Variants in RAB11FIP3 observed in about 807,000 individuals in gnomAD.
RAB11FIP3 encodes the protein rab11 family-interacting protein 3.
A neutral mutation model predicts 77.8 loss-of-function variants in RAB11FIP3; 17 were observed. That is an observed-to-expected ratio of 0.22 (90% CI 0.15 to 0.33). The LOEUF is 0.33. Ranked by LOEUF, RAB11FIP3 falls within the 10% of genes least tolerant of loss-of-function variation. The probability of loss-of-function intolerance (pLI) is 1.00; values close to 1 mark genes in which losing one functional copy is unlikely to be tolerated. For synonymous variants in RAB11FIP3, 437 were observed against 448.2 expected, an observed-to-expected ratio of 0.98 and a Z score of 0.31; for missense variants, 1,005 against 1,011.2, an observed-to-expected ratio of 0.99 and a Z score of 0.08.
At chr16:433,367 A>T (rs2055072232) in intron 1 of RAB11FIP3, among the ~76,000 whole-genome samples, 1 of 149,126 alleles carries the variant, frequency 6.7e-6, no homozygotes, top group Non-Finnish European at 1.5e-5. Flanking sequence ...TACCCTCCTG[A>T]TGCTTCCCAG....
intron 1 of RAB11FIP3, among the ~76,000 whole-genome samples, chr16:459,875 CTTTTTTT>C (rs1170379362): frequency 8.4e-6 from 1 of 119,340 alleles, no homozygotes; most frequent in African/African-American, 3.1e-5. Context: ...ATTGAGTTGT[CTTTTTTT>C]TTTTTTTTTT....
At chr16:519,446 T>C (rs1274017616) in intron 10 of RAB11FIP3, among the ~76,000 whole-genome samples, 1 of 152,204 alleles carries the variant, frequency 6.6e-6, no homozygotes, top group Non-Finnish European at 1.5e-5. Flanking sequence ...CTGACTCCCA[T>C]GAACCAGAGG....
At chr16:491,036 A>G in intron 5 of RAB11FIP3, 1 of 1,108,532 alleles carries the variant, frequency 9.0e-7, no homozygotes, top group Non-Finnish European at 1.2e-6. Flanking sequence ...TTTGTTCCAC[A>G]CCATGTCCTG....
At position 520,192 on chromosome 16, in the gene RAB11FIP3, G is replaced by A. The variant is rs1287112589; in HGVS notation, c.1931G>A (p.Gly644Asp). 2 of 1,545,470 alleles carry A rather than the reference G, an allele frequency of 1.3e-6. No individual in the cohort carries two copies. The highest frequency in any genetic ancestry group is 2.0e-5 in the Admixed American group (1 of 51,128). ...AAGCTGGAGGCCGAGCAGCGGCGGG[G>A]CCGCAGCAGCAGCATGGGCCTGCAG... ...LLKLEAEQRR[G>D]RSSSMGLQEY... Residue 644 changes from glycine (G) to aspartate (D), a missense_variant, in exon 12 of 14, where the codon GGC becomes GAC. By Grantham distance (94) the Gly-to-Asp change is moderately conservative (BLOSUM62 -1). Around this residue, in one of 4 missense-constraint regions of RAB11FIP3, gnomAD observed 433 missense variants for 436.1 expected, o/e 0.99. Coordinates refer to ENST00000262305, the MANE Select transcript of RAB11FIP3 (RefSeq NM_014700.4).
chr16:508,401 C>A (rs1445044299), intron 8 of RAB11FIP3, among the ~76,000 whole-genome samples: 1 of 152,146 alleles, frequency 6.6e-6, no homozygotes, highest in Non-Finnish European at 1.5e-5. Context: ...TGAGACAGAG[C>A]CTTGCTGTGT....
Position 489,012 on chromosome 16 carries a change from T to C in RAB11FIP3, c.1265+12T>C, listed in dbSNP as rs375253048. On this transcript the variant is annotated intron_variant, in intron 5 of 13. Transcript: ENST00000262305. ...TTCCTCACGCCCAGGTAATGACGCCTTGTTCCAGCACACCCTCCTCCCTCT... is the reference window on the plus strand; with the variant it reads ...TTCCTCACGCCCAGGTAATGACGCCCTGTTCCAGCACACCCTCCTCCCTCT... The C allele has an allele frequency of 6.2e-7, 1 of 1,611,352 alleles. No homozygotes were observed. Among genetic ancestry groups the C allele is most frequent in the African/African-American group, 1.3e-5 (1 of 74,848 alleles).
At chr16:480,285 C>G (rs1340553011) in intron 3 of RAB11FIP3, among the ~76,000 whole-genome samples, 2 of 29,168 alleles carry the variant, frequency 6.9e-5, no homozygotes, top group African/African-American at 2.3e-4. Context: ...AACTCCTTCT[C>G]CAAAAAAAAA....
At chr16:453,846 C>T (rs1044487833) in intron 1 of RAB11FIP3, among the ~76,000 whole-genome samples, 6 of 151,742 alleles carry the variant, frequency 4.0e-5, no homozygotes, top group African/African-American at 1.5e-4. Context: ...CTGCTCACCT[C>T]GGCCTTTCAA....
intron 1 of RAB11FIP3, among the ~76,000 whole-genome samples, chr16:452,580 G>A (rs1596212227): frequency 6.7e-6 from 1 of 148,780 alleles, no homozygotes; most frequent in Non-Finnish European, 1.5e-5. Flanking sequence ...GACTACAGGC[G>A]CCCGCCACCA....
intron 1 of RAB11FIP3, among the ~76,000 whole-genome samples, chr16:434,726 T>G (rs1403781572): frequency 6.6e-6 from 1 of 151,988 alleles, no homozygotes; most frequent in East Asian, 1.9e-4. Flanking sequence ...AGATGTATAC[T>G]TTAATGGAAA....
chr16:496,705 G>C, intron 5 of RAB11FIP3, 119 bp from the exon 6 acceptor site: 1 of 983,414 alleles, frequency 1.0e-6, no homozygotes, highest in Non-Finnish European at 1.6e-6. Flanking sequence ...GGCCCTGCAT[G>C]CCGGGAGCAT....
intron 2 of RAB11FIP3, among the ~76,000 whole-genome samples, chr16:469,829 C>A (rs887194304): frequency 8.6e-5 from 13 of 151,574 alleles, no homozygotes; most frequent in African/African-American, 2.9e-4. Flanking sequence ...CTGGTCTCCA[C>A]TTTTCTTTTT....
intron 2 of RAB11FIP3, among the ~76,000 whole-genome samples, chr16:467,694 G>C (rs1344770719): frequency 8.8e-4 from 80 of 90,710 alleles, no homozygotes; most frequent in African/African-American, 3.2e-3. Context: ...GGGAGGAGGT[G>C]CAGGGGCGTC....
Position 488,994 on chromosome 16 carries a change from C to T in RAB11FIP3, c.1259C>T (p.Thr420Met), listed in dbSNP as rs377509491. The change falls in exon 5 of 14, where the codon ACG (threonine) becomes ATG (methionine). Residue 420 changes from threonine (T) to methionine (M), a missense_variant. Transcript: ENST00000262305. ...GGCTGCAGTGACCCCGCTTTCCTCA[C>T]GCCCAGGTAATGACGCCTTGTTCCA... The part of the protein sequence containing the change: ...QLGCSDPAFL[T>M]PSPTKRLSSK... 5.6e-6 allele frequency: 9 copies of T among 1,613,582 alleles called. No homozygotes were observed. The highest frequency in any genetic ancestry group is 6.8e-6 in the Non-Finnish European group (8 of 1,179,766).
rs2054947184 is a variant in RAB11FIP3, at chr16:426,542, G to A, written c.536G>A (p.Gly179Glu). The change falls in exon 1 of 14, where the codon GGG becomes GAG. Residue 179 changes from glycine (G) to glutamate (E), a missense_variant. Gly to Glu is a moderately conservative substitution (Grantham distance 98, BLOSUM62 -2). This residue lies in a region of RAB11FIP3 where 466 missense variants were observed against 408.3 expected (regional missense o/e 1.14). Transcript: ENST00000262305. The surrounding 1 kb of genome is among the most constrained non-coding windows in gnomAD (Gnocchi z 5.0). ...GAGCTGGCGCTGGAGCAAGGTCCCG[G>A]GTCCCCGCCGCAGCCCTCGGACCTC... ...AGELALEQGP[G>E]SPPQPSDLSQ... 6.4e-7 allele frequency: 1 copy of A among 1,570,680 alleles called. No homozygotes were observed.
intron 4 of RAB11FIP3, among the ~76,000 whole-genome samples, chr16:485,056 A>C: frequency 6.6e-6 from 1 of 152,068 alleles, no homozygotes; most frequent in East Asian, 1.9e-4. Flanking sequence ...ACCTTTTGTC[A>C]GGGTGGGAGC....
chr16:488,601 G>T (rs985637042), intron 4 of RAB11FIP3, among the ~76,000 whole-genome samples: 1 of 151,960 alleles, frequency 6.6e-6, no homozygotes, highest in African/African-American at 2.4e-5. Context: ...TGCAGTTGAG[G>T]CCTCCCCCTG....
intron 1 of RAB11FIP3, among the ~76,000 whole-genome samples, chr16:430,994 A>G (rs1015051465): frequency 2.0e-5 from 3 of 152,184 alleles, no homozygotes; most frequent in Non-Finnish European, 4.4e-5. Flanking sequence ...CCAGCCTGGC[A>G]TCGCCTTTTA....
At chr16:476,034 TTAGGAGAAA>T (rs1253861753) in intron 3 of RAB11FIP3, among the ~76,000 whole-genome samples, 1 of 152,082 alleles carries the variant, frequency 6.6e-6, no homozygotes, top group African/African-American at 2.4e-5. Context: ...TTTTGTATTT[TTAGGAGAAA>T]CAGGGTTTCA....
Sources: allele counts gnomAD v4.1 joint callset (sites outside exome capture counted in the v4.1 genomes callset), GRCh38; gene constraint gnomAD v4.1.1; regional missense constraint gnomAD v4.1.1; non-coding constraint Gnocchi (gnomAD v3.1); transcripts MANE v1.5; gene names NCBI Gene and HGNC (gene_info 2026-07-23, HGNC 2026-07-21).